Variants in AGMO observed in about 807,000 individuals in gnomAD.
The protein encoded by AGMO is glyceryl-ether monooxygenase.
A neutral mutation model predicts 60.2 loss-of-function variants in AGMO; 75 were observed. That is an observed-to-expected ratio of 1.25 (90% CI 1.03 to 1.51). The LOEUF (loss-of-function observed/expected upper bound fraction) is 1.51, where lower values mean the gene tolerates loss of function less well. Ranked by LOEUF, AGMO falls within the 40% of genes most tolerant of loss-of-function variation. The pLI, the probability that AGMO is intolerant of heterozygous loss-of-function variation, is 0.00. For synonymous variants in AGMO, 261 were observed against 177.1 expected, an observed-to-expected ratio of 1.47 and a Z score of -3.76; for missense variants, 763 against 525.5, an observed-to-expected ratio of 1.45 and a Z score of -4.42.
intron 12 of AGMO, among the ~76,000 whole-genome samples, chr7:15,248,660 A>G (rs1037868468): frequency 6.6e-6 from 1 of 152,166 alleles, no homozygotes; most frequent in African/African-American, 2.4e-5. Context: ...GAGTGGTGAC[A>G]CACAAGACAC....
the AGMO span, among the ~76,000 whole-genome samples, chr7:15,148,692 C>T: frequency 0.013 from 1,935 of 152,138 alleles, 30 homozygotes; most frequent in African/African-American, 0.043. Flanking sequence ...ATGGTGTATA[C>T]GTAGCATATT....
chr7:15,219,414 A>C (rs1230205173), intron 12 of AGMO, among the ~76,000 whole-genome samples: 4 of 152,206 alleles, frequency 2.6e-5, no homozygotes, highest in Non-Finnish European at 5.9e-5. Context: ...AGAAAGATGA[A>C]GAGGAGTTTG....
At chr7:15,546,055 T>C (rs1254022637) in intron 2 of AGMO, among the ~76,000 whole-genome samples, 1 of 152,060 alleles carries the variant, frequency 6.6e-6, no homozygotes, top group Non-Finnish European at 1.5e-5. Context: ...CTTCACAGAG[T>C]CAGTTTCTGT....
chr7:15,151,819 T>C, the AGMO span, among the ~76,000 whole-genome samples: 1 of 152,148 alleles, frequency 6.6e-6, no homozygotes. Context: ...ATTTGTTAGG[T>C]CCATTTGGTC....
At position 15,293,701 on chromosome 7, in the gene AGMO, A is replaced by C. The variant is rs117477868; in HGVS notation, c.1263+71813T>G. Among the ~76,000 whole-genome samples the C allele has an allele frequency of 1.1e-3, 161 of 152,282 alleles. 2 individuals are homozygous for C. The East Asian group carries it at 0.027, about 25-fold the overall frequency. On this transcript the variant is annotated intron_variant, in intron 12 of 12. Coordinates refer to ENST00000342526, the MANE Select transcript of AGMO (RefSeq NM_001004320.2). ...TAAGTGAATAATAATAATGTAAACT[A>C]CGCCTAATTCTTTGTATTTTTGTGT...
rs144657658 is a variant in AGMO at position 15,354,643 on chromosome 7, A to T, written c.1263+10871T>A. Among the ~76,000 whole-genome samples the T allele has an allele frequency of 2.1e-3, 301 of 146,686 alleles. 8 individuals are homozygous for T. In the East Asian group the frequency reaches 0.057, roughly 28 times the overall value. On this transcript the variant is annotated intron_variant, in intron 12 of 12. Transcript: ENST00000342526. The stretch of plus-strand genomic sequence containing the variant: ...ACCCTTATATTCTAAAAATATTCAT[A>T]AGGGTGGTAAGTGAAAGAAAACAAT...
chr7:15,555,025 A>G (rs867874550), intron 2 of AGMO, among the ~76,000 whole-genome samples: 2 of 151,916 alleles, frequency 1.3e-5, no homozygotes, highest in Non-Finnish European at 2.9e-5. Flanking sequence ...CTAAGAGAGC[A>G]AGTTTCAGAA....
At chr7:15,385,016 G>A (rs538064175) in intron 10 of AGMO, among the ~76,000 whole-genome samples, 1 of 152,022 alleles carries the variant, frequency 6.6e-6, no homozygotes, top group East Asian at 1.9e-4. Context: ...TTTCAGAAAT[G>A]TCAAACTAAA....
chr7:15,186,716 G>A, the AGMO span, among the ~76,000 whole-genome samples: 1 of 151,980 alleles, frequency 6.6e-6, no homozygotes, highest in Non-Finnish European at 1.5e-5. Flanking sequence ...GTAAACTAAA[G>A]GTTAGGCAAT....
chr7:15,273,916 CTG>C (rs1376422737), intron 12 of AGMO, among the ~76,000 whole-genome samples: 2 of 152,088 alleles, frequency 1.3e-5, no homozygotes, highest in East Asian at 1.9e-4. Flanking sequence ...TGATTTGGCT[CTG>C]TGTTTGTCTG....
At chr7:15,160,826 C>T in the AGMO span, among the ~76,000 whole-genome samples, 2 of 152,108 alleles carry the variant, frequency 1.3e-5, no homozygotes, top group Non-Finnish European at 2.9e-5. Flanking sequence ...TCTTAATGCA[C>T]TCTGTGCTGC....
In AGMO at chr7:15,418,561, T is replaced by C. The variant is rs28635514; in HGVS notation, c.606A>G (p.Thr202=). 0.04 allele frequency: 63,240 copies of C among 1,581,894 alleles called. 1,848 individuals are homozygous for C. The highest frequency in any genetic ancestry group is 0.13 in the African/African-American group (9,650 of 72,540). Residue 202 remains threonine, a synonymous_variant, in exon 5 of 13, where the codon ACA becomes ACG. Transcript: ENST00000342526. ...CAAAGATAAAAAAAAGTTTTACCTC[T>C]GTATGGATCCAAAATTGGTAAAGAA... is the stretch of plus-strand genomic sequence containing the variant. ...FNLLYQFWIH[T]EVINNLGPLE... is the part of the protein sequence containing the mutation.
intron 3 of AGMO, among the ~76,000 whole-genome samples, chr7:15,518,680 G>A (rs540177193): frequency 6.6e-5 from 10 of 152,140 alleles, no homozygotes; most frequent in African/African-American, 1.4e-4. Context: ...CACCAACATC[G>A]AAGACCAAAG....
intron 3 of AGMO, among the ~76,000 whole-genome samples, chr7:15,540,956 C>G (rs1196901980): frequency 6.6e-6 from 1 of 152,192 alleles, no homozygotes; most frequent in Non-Finnish European, 1.5e-5. Flanking sequence ...AGCTTATTAT[C>G]AGGACCCTGA....
chr7:15,545,034 C>T, intron 2 of AGMO, 111 bp from the exon 3 acceptor site: 1 of 753,922 alleles, frequency 1.3e-6, no homozygotes, highest in Non-Finnish European at 1.9e-6. Flanking sequence ...AAAAATGAAA[C>T]TCTTTCTTCT....
intron 12 of AGMO, among the ~76,000 whole-genome samples, chr7:15,347,770 C>A (rs73064560): frequency 0.11 from 16,804 of 151,936 alleles, 970 homozygotes; most frequent in East Asian, 0.19. Context: ...AAAGTATAGA[C>A]AAGTGTTGTA....
rs547403197 is a variant in AGMO, at chr7:15,374,576, C to T, written c.1075-8354G>A. 1.5e-4 allele frequency among the ~76,000 whole-genome samples: 23 copies of T among 150,948 alleles called. No individual in the cohort carries two copies. The South Asian group carries it at 4.8e-3, about 32-fold the overall frequency. On this transcript the variant is annotated intron_variant, in intron 10 of 12. Coordinates refer to ENST00000342526, the MANE Select transcript of AGMO (RefSeq NM_001004320.2). ...GTACCTGATAAGATAGAGAACTTCA[C>T]CCTCCTACCTGGAAAAACAAACAAT...
At chr7:15,403,209 T>C (rs1784600742) in intron 5 of AGMO, among the ~76,000 whole-genome samples, 2 of 151,956 alleles carry the variant, frequency 1.3e-5, no homozygotes, top group South Asian at 4.1e-4. Context: ...CCTTTCCAAG[T>C]CTCAAGCTGA....
intron 12 of AGMO, among the ~76,000 whole-genome samples, chr7:15,309,959 T>C (rs905437933): frequency 4.6e-5 from 7 of 152,300 alleles, no homozygotes; most frequent in Admixed American, 3.3e-4. Flanking sequence ...TATACATTTA[T>C]ATCCCTTCAG....
Sources: gnomAD v4.1 joint callset for allele counts (sites outside exome capture counted in the v4.1 genomes callset) on GRCh38, gnomAD v4.1.1 for gene constraint, MANE v1.5 for transcripts, NCBI Gene and HGNC (gene_info 2026-07-23, HGNC 2026-07-21) for gene names.